The following ZMYM2 variants were observed in gnomAD, a reference collection of about 807,000 sequenced individuals.
ZMYM2 encodes zinc finger MYM-type protein 2.
ZMYM2 carries 56 observed loss-of-function variants against 162.8 expected under a neutral mutation model. The observed-to-expected ratio is 0.34, with a 90% CI of 0.28 to 0.43. The LOEUF is 0.43. Ranked by LOEUF, ZMYM2 falls within the 20% of genes least tolerant of loss-of-function variation. ZMYM2 has a pLI of 1.00. For synonymous variants in ZMYM2, 510 were observed against 541.6 expected (o/e 0.94, Z 0.81); for missense variants, 1,275 against 1,621.8 (o/e 0.79, Z 3.67).
chr13:19,944,957 C>G, the ZMYM2 span, among the ~76,000 whole-genome samples: 1 of 151,986 alleles, frequency 6.6e-6, no homozygotes, highest in Non-Finnish European at 1.5e-5. Flanking sequence ...AGGTGTGAAC[C>G]ACTGCGCCCG....
intron 12 of ZMYM2, 42 bp from the exon 13 acceptor site, chr13:20,051,391 A>G (rs1209546540): frequency 1.3e-6 from 2 of 1,592,300 alleles, no homozygotes; most frequent in African/African-American, 2.7e-5. Context: ...GAAATCTTCA[A>G]AAATAATTTG....
chr13:19,986,675 A>T (rs1487499142), intron 2 of ZMYM2, among the ~76,000 whole-genome samples: 2 of 152,182 alleles, frequency 1.3e-5, no homozygotes, highest in Non-Finnish European at 2.9e-5. Flanking sequence ...TTCAATTAAA[A>T]TTTTTTAAAT....
chr13:20,019,285 C>G (rs1951876567), intron 6 of ZMYM2, among the ~76,000 whole-genome samples: 3 of 152,100 alleles, frequency 2.0e-5, no homozygotes, highest in African/African-American at 7.2e-5. Context: ...TGAGTCAGAT[C>G]TAAGTATCTA....
intron 2 of ZMYM2, among the ~76,000 whole-genome samples, chr13:19,972,019 T>C (rs933319746): frequency 6.6e-6 from 1 of 152,166 alleles, no homozygotes; most frequent in Non-Finnish European, 1.5e-5. Context: ...TACTTGAAAG[T>C]ACCTTGTAGT....
At chr13:19,967,859 C>T (rs1329777178) in intron 2 of ZMYM2, among the ~76,000 whole-genome samples, 3 of 152,112 alleles carry the variant, frequency 2.0e-5, no homozygotes, top group African/African-American at 7.2e-5. Flanking sequence ...AATTTGCTGC[C>T]ACCACCTGGT....
chr13:19,937,355 G>A, the ZMYM2 span, among the ~76,000 whole-genome samples: 1 of 151,318 alleles, frequency 6.6e-6, no homozygotes, highest in South Asian at 2.1e-4. Context: ...GGTCAGGCTG[G>A]TCTTGAACTC....
intron 7 of ZMYM2, 107 bp downstream of exon 7, chr13:20,019,725 A>C: frequency 2.0e-6 from 2 of 1,014,972 alleles, no homozygotes; most frequent in Non-Finnish European, 2.9e-6. Context: ...AATATATTAA[A>C]ATTTCCAAAC....
In ZMYM2 at chr13:20,027,415, C is replaced by T. The variant is rs74035479; in HGVS notation, c.1851+97C>T. On this transcript the variant is annotated intron_variant, in intron 9 of 24. Transcript: ENST00000610343. Reference sequence around the variant, plus strand: ...ATGCTTTATTTTATCTTAATTTTTACGTAGCTTGTTGAGGGTCAAATTGGA... The same window carrying T: ...ATGCTTTATTTTATCTTAATTTTTATGTAGCTTGTTGAGGGTCAAATTGGA... 1.6e-3 allele frequency: 1,517 copies of T among 949,838 alleles called. 21 individuals carry two copies. The African/African-American group carries it at 0.022, about 14-fold the overall frequency. The allele number at this position is 949,838 out of a possible 1,614,324, so 58.8% of individuals were successfully genotyped here. A position where few individuals can be genotyped will look rare whatever the true frequency, so the allele number is the denominator to read the frequency against.
chr13:19,966,053 A>G (rs1955733942), intron 2 of ZMYM2, among the ~76,000 whole-genome samples: 1 of 151,846 alleles, frequency 6.6e-6, no homozygotes, highest in African/African-American at 2.4e-5. Flanking sequence ...TGCTGGGATT[A>G]CAGGTGTGAG....
chr13:19,945,951 G>GAAAAAAAAAAAAAAAAAAAAAAAAA, the ZMYM2 span, among the ~76,000 whole-genome samples: 1 of 89,574 alleles, frequency 1.1e-5, no homozygotes, highest in Non-Finnish European at 2.0e-5. Context: ...CTCCGTCTCA[G>GAAAAAAAAAAAAAAAAAAAAAAAAA]AAAAAAAAAA....
intron 21 of ZMYM2, among the ~76,000 whole-genome samples, chr13:20,073,737 A>T (rs1957261138): frequency 6.6e-6 from 1 of 152,210 alleles, no homozygotes; most frequent in Non-Finnish European, 1.5e-5. Context: ...TTAAATGATT[A>T]TTTAAATAAT....
intron 12 of ZMYM2, among the ~76,000 whole-genome samples, chr13:20,048,880 T>C (rs1386390407): frequency 6.6e-6 from 1 of 151,612 alleles, no homozygotes; most frequent in African/African-American, 2.4e-5. Flanking sequence ...ACAAAATAGA[T>C]GATGCAGTAT....
At chr13:19,998,904 C>A (rs985034247) in intron 3 of ZMYM2, among the ~76,000 whole-genome samples, 1 of 151,814 alleles carries the variant, frequency 6.6e-6, no homozygotes, top group African/African-American at 2.4e-5. Context: ...GTTCAAAATA[C>A]GGAGAAACTA....
chr13:19,961,232 C>T (rs1273489395), intron 2 of ZMYM2, among the ~76,000 whole-genome samples: 2 of 151,932 alleles, frequency 1.3e-5, no homozygotes, highest in African/African-American at 4.8e-5. Flanking sequence ...CGTGCCCACA[C>T]TAGTTTTTAA....
At chr13:19,987,970 T>G (rs1949311970) in intron 2 of ZMYM2, among the ~76,000 whole-genome samples, 1 of 152,234 alleles carries the variant, frequency 6.6e-6, no homozygotes, top group South Asian at 2.1e-4. Context: ...TCAGCATGTC[T>G]TTCATCTGAC....
chr13:19,993,599 C>G lies in ZMYM2; in HGVS notation c.527C>G (p.Thr176Arg). The G allele has an allele frequency of 6.2e-7, 1 of 1,614,174 alleles. No homozygotes were observed. The highest frequency in any genetic ancestry group is 8.5e-7 in the Non-Finnish European group (1 of 1,180,022). The change falls in exon 3 of 25, where the codon ACA becomes AGA. Residue 176 changes from threonine (T) to arginine (R), a missense_variant. Thr to Arg is a moderately conservative substitution (Grantham distance 71). Around this residue, in one of 10 missense-constraint regions of ZMYM2, gnomAD observed 295 missense variants for 286.7 expected, o/e 1.03. Transcript: ENST00000610343. ...GGAATGGGTAATAGTGGTATCACCA[C>G]AGAACCAGACTCTGAAATTCAGATT... ...NAGMGNSGITTEPDSEIQIAN... is the reference protein window; with the variant it reads ...NAGMGNSGITREPDSEIQIAN...
chr13:19,997,426 T>C (rs1950096090), intron 3 of ZMYM2, among the ~76,000 whole-genome samples: 1 of 152,210 alleles, frequency 6.6e-6, no homozygotes, highest in Non-Finnish European at 1.5e-5. Flanking sequence ...TGGTATATAG[T>C]AGTGTTAAAA....
intron 7 of ZMYM2, among the ~76,000 whole-genome samples, chr13:20,022,171 GT>G (rs1007376878): frequency 5.3e-5 from 8 of 152,166 alleles, no homozygotes; most frequent in African/African-American, 1.4e-4. Flanking sequence ...TGGGTGGGAG[GT>G]TTAAATCTAA....
At chr13:19,975,629 T>A (rs1956712686) in intron 2 of ZMYM2, among the ~76,000 whole-genome samples, 1 of 152,236 alleles carries the variant, frequency 6.6e-6, no homozygotes, top group Non-Finnish European at 1.5e-5. Flanking sequence ...TCTGTGATCA[T>A]TGTTGTACAG....
Sources: gnomAD v4.1 joint callset for allele counts (sites outside exome capture counted in the v4.1 genomes callset) on GRCh38, gnomAD v4.1.1 for gene constraint, gnomAD v4.1.1 regional missense constraint, MANE v1.5 for transcripts, NCBI Gene and HGNC (gene_info 2026-07-23, HGNC 2026-07-21) for gene names.